Variants in DPY19L1 observed in about 807,000 individuals in gnomAD.
The protein encoded by DPY19L1 is protein C-mannosyl-transferase DPY19L1.
DPY19L1 carries 35 observed loss-of-function variants against 96.9 expected under a neutral mutation model. The ratio of observed to expected loss-of-function variants is 0.36; its 90% CI spans 0.28 to 0.48. The LOEUF is 0.48. DPY19L1 is among the 20% of genes least tolerant of loss of function. The pLI, the probability that DPY19L1 is intolerant of heterozygous loss-of-function variation, is 0.99. For missense variants in DPY19L1, 521 were observed against 777.9 expected (o/e 0.67, Z 3.93); for synonymous variants, 205 against 252.6 (o/e 0.81, Z 1.79).
chr7:35,008,596 G>C (rs1205845785), intron 6 of DPY19L1, among the ~76,000 whole-genome samples: 1 of 152,210 alleles, frequency 6.6e-6, no homozygotes, highest in Non-Finnish European at 1.5e-5. Context: ...GGGAGGCTGA[G>C]GCAGGAGGAC....
In DPY19L1 at chr7:35,037,249, C is replaced by T; in HGVS notation, c.146G>A (p.Arg49His). 1 of 272,304 alleles carries T rather than the reference C, an allele frequency of 3.7e-6. No individual in the cohort carries two copies. The allele number at this position is 272,304 out of a possible 1,614,324, so 16.9% of individuals were successfully genotyped here. ...CCCCTTCCTGCCCGCGGCGCCCTTG[C>T]GCCCCGGGGACAGGGGCGCGCGCTC... Reference protein sequence around the residue: ...GPERAPLSPGRKGAAGRKGPR... With the variant: ...GPERAPLSPGHKGAAGRKGPR... Residue 49 changes from arginine to histidine, a missense_variant, in exon 1 of 22, where the codon CGC becomes CAC. By Grantham distance (29) the Arg-to-His change is conservative (BLOSUM62 0). Transcript: ENST00000638088.
At chr7:34,950,922 G>T (rs764814909) in intron 13 of DPY19L1, among the ~76,000 whole-genome samples, 1 of 152,076 alleles carries the variant, frequency 6.6e-6, no homozygotes, top group African/African-American at 2.4e-5. Context: ...ATATTATATT[G>T]TCACCAAAAG....
At chr7:34,955,948 C>A (rs186313450) in intron 11 of DPY19L1, among the ~76,000 whole-genome samples, 1 of 125,664 alleles carries the variant, frequency 8.0e-6, no homozygotes, top group Non-Finnish European at 1.6e-5. Flanking sequence ...AAATGTGATA[C>A]AATTCAGGTT....
At chr7:34,939,504 A>C in intron 19 of DPY19L1, 129 bp from the exon 20 acceptor site, 1 of 649,366 alleles carries the variant, frequency 1.5e-6, no homozygotes, top group Non-Finnish European at 2.6e-6. Context: ...TCAAGATTCA[A>C]TGGCAGAACT....
chr7:35,006,107 A>T (rs1785549485), intron 6 of DPY19L1, among the ~76,000 whole-genome samples: 1 of 152,190 alleles, frequency 6.6e-6, no homozygotes, highest in Admixed American at 6.5e-5. Flanking sequence ...AGAAAGAAAA[A>T]ATCTCCTGCT....
At chr7:35,022,288 A>T (rs1246761840) in intron 1 of DPY19L1, among the ~76,000 whole-genome samples, 2 of 152,196 alleles carry the variant, frequency 1.3e-5, no homozygotes, top group Non-Finnish European at 2.9e-5. Flanking sequence ...AAAAATCCAA[A>T]CCTATTCTAT....
At chr7:34,954,928 AGCATGTTG>A (rs1377298059) in intron 12 of DPY19L1, 150 bp from the exon 13 acceptor site, 4 of 478,146 alleles carry the variant, frequency 8.4e-6, no homozygotes, top group Non-Finnish European at 1.5e-5. Context: ...TTTAAAATCA[AGCATGTTG>A]CTCAAAATCA....
chr7:34,937,338 G>A (rs1783889934), intron 21 of DPY19L1, among the ~76,000 whole-genome samples: 1 of 152,118 alleles, frequency 6.6e-6, no homozygotes, highest in African/African-American at 2.4e-5. Context: ...CCATCGACAG[G>A]ACATGGTGTA....
intron 8 of DPY19L1, among the ~76,000 whole-genome samples, chr7:34,973,047 C>T (rs1784756150): frequency 6.6e-6 from 1 of 152,050 alleles, no homozygotes; most frequent in African/African-American, 2.4e-5. Context: ...TTCCATAGCC[C>T]CCATTTGGTT....
chr7:34,937,580 A>AT (rs200056208), intron 21 of DPY19L1, among the ~76,000 whole-genome samples: 2 of 152,134 alleles, frequency 1.3e-5, no homozygotes, highest in African/African-American at 2.4e-5. Context: ...ACAAATCATT[A>AT]TTTAAAAAAA....
intron 16 of DPY19L1, among the ~76,000 whole-genome samples, chr7:34,945,390 G>A (rs192499502): frequency 7.2e-5 from 11 of 152,282 alleles, no homozygotes; most frequent in Non-Finnish European, 1.3e-4. Context: ...TACTTTCCCT[G>A]CTGAAATGAA....
At chr7:35,015,174 T>C (rs148856849) in intron 3 of DPY19L1, among the ~76,000 whole-genome samples, 30 of 152,288 alleles carry the variant, frequency 2.0e-4, no homozygotes, top group African/African-American at 7.2e-4. Context: ...TGGAAACATA[T>C]GTTTAATTAT....
chr7:35,032,309 T>C lies in DPY19L1; in HGVS notation c.298+4788A>G, dbSNP rs141100025. Among the ~76,000 whole-genome samples, 553 of 152,236 alleles carry C rather than the reference T, an allele frequency of 3.6e-3. 2 individuals are homozygous for C. The highest frequency in any genetic ancestry group is 0.011 in the African/African-American group (473 of 41,542). On this transcript the variant is annotated intron_variant, in intron 1 of 21. Transcript: ENST00000638088. ...TGGGTCAAATCCTGGCCCTTCTACA[T>C]TCTAGGGGTGACCTTGGACAAGTTA...
At chr7:35,017,054 T>A (rs1464639982) in intron 3 of DPY19L1, among the ~76,000 whole-genome samples, 3 of 151,942 alleles carry the variant, frequency 2.0e-5, no homozygotes, top group African/African-American at 7.2e-5. Flanking sequence ...TGATTTCTAT[T>A]TGATTATATT....
At chr7:34,973,946 C>T (rs1367361360) in intron 7 of DPY19L1, among the ~76,000 whole-genome samples, 1 of 152,144 alleles carries the variant, frequency 6.6e-6, no homozygotes, top group African/African-American at 2.4e-5. Flanking sequence ...GATTATTTAT[C>T]TATTGTTTGT....
chr7:34,941,894 A>G lies in DPY19L1; in HGVS notation c.1570-10T>C. The G allele has an allele frequency of 6.4e-7, 1 of 1,564,130 alleles. No homozygotes were observed. Among genetic ancestry groups the G allele is most frequent in the Non-Finnish European group, 8.6e-7 (1 of 1,161,772 alleles). On this transcript the variant is annotated splice_polypyrimidine_tract_variant and intron_variant, in intron 17 of 21. Transcript: ENST00000638088. Reference sequence around the variant, plus strand: ...ATGCATGGTAAACCAGCTGAAAGAAAGAAGAAAATGTTTTTTACTCCTACT... The same window carrying G: ...ATGCATGGTAAACCAGCTGAAAGAAGGAAGAAAATGTTTTTTACTCCTACT...
At chr7:34,974,311 G>A (rs1317687948) in intron 7 of DPY19L1, among the ~76,000 whole-genome samples, 1 of 152,166 alleles carries the variant, frequency 6.6e-6, no homozygotes, top group African/African-American at 2.4e-5. Flanking sequence ...ACAATTAAAT[G>A]CAAGCAATCT....
chr7:35,033,046 A>ACTCTCCTCCTGTTGAGCATTC (rs1427678399), intron 1 of DPY19L1, among the ~76,000 whole-genome samples: 2 of 151,734 alleles, frequency 1.3e-5, no homozygotes, highest in Admixed American at 6.6e-5. Context: ...TAATCATGTC[A>ACTCTCCTCCTGTTGAGCATTC]CTCTCCTCCT....
chr7:35,010,081 T>C (rs1372758553), intron 6 of DPY19L1, among the ~76,000 whole-genome samples: 1 of 151,856 alleles, frequency 6.6e-6, no homozygotes, highest in East Asian at 1.9e-4. Flanking sequence ...TACAAAAAAA[T>C]TAGCTGAGTT....
Sources: allele counts gnomAD v4.1 joint callset (sites outside exome capture counted in the v4.1 genomes callset), GRCh38; gene constraint gnomAD v4.1.1; transcripts MANE v1.5; gene names NCBI Gene and HGNC (gene_info 2026-07-23, HGNC 2026-07-21).